Variants in FBXL7 observed in about 807,000 individuals in gnomAD.
FBXL7 encodes the protein F-box and leucine rich repeat protein 7, also known as F-box/LRR-repeat protein 7.
Under a neutral mutation model 38.3 loss-of-function variants are expected in FBXL7, and 12 were observed. That is an observed-to-expected ratio of 0.31 (90% CI 0.20 to 0.51). FBXL7 has a LOEUF of 0.51. FBXL7 is among the 20% of genes least tolerant of loss of function. The pLI is 0.98. For missense variants in FBXL7, 567 were observed against 676.4 expected (o/e 0.84, Z 1.79); for synonymous variants, 297 against 300.9 (o/e 0.99, Z 0.13).
chr5:15,593,679 G>T (rs1374025515), intron 1 of FBXL7, among the ~76,000 whole-genome samples: 2 of 152,006 alleles, frequency 1.3e-5, no homozygotes, highest in African/African-American at 2.4e-5. Flanking sequence ...AAATGTACAG[G>T]TTTTTTGTTT....
chr5:15,768,740 G>A (rs1241139371), intron 2 of FBXL7, among the ~76,000 whole-genome samples: 1 of 152,110 alleles, frequency 6.6e-6, no homozygotes, highest in Non-Finnish European at 1.5e-5. Flanking sequence ...CACTAGTGCT[G>A]GTCCAGCCAG....
At chr5:15,860,718 A>G (rs78799517) in intron 2 of FBXL7, among the ~76,000 whole-genome samples, 3,487 of 152,222 alleles carry the variant, frequency 0.023, 125 homozygotes, top group African/African-American at 0.079. Context: ...TCTTTAACCA[A>G]TTAGATACTT....
At chr5:15,721,270 C>T (rs1349919582) in intron 2 of FBXL7, among the ~76,000 whole-genome samples, 3 of 151,964 alleles carry the variant, frequency 2.0e-5, no homozygotes, top group Non-Finnish European at 4.4e-5. Flanking sequence ...CCTATGCTAT[C>T]AAGCAAAATA....
chr5:15,706,746 C>T (rs1743691006), intron 2 of FBXL7, among the ~76,000 whole-genome samples: 1 of 152,106 alleles, frequency 6.6e-6, no homozygotes, highest in African/African-American at 2.4e-5. Context: ...AGAGGATTTT[C>T]CCTAAGTGTC....
At chr5:15,785,083 A>G (rs1737099705) in intron 2 of FBXL7, among the ~76,000 whole-genome samples, 1 of 152,168 alleles carries the variant, frequency 6.6e-6, no homozygotes, top group African/African-American at 2.4e-5. Context: ...TCTAACTAGC[A>G]CGAGACTCTG....
chr5:15,645,765 G>A (rs1295856054), intron 2 of FBXL7, among the ~76,000 whole-genome samples: 1 of 152,126 alleles, frequency 6.6e-6, no homozygotes, highest in Middle Eastern at 3.2e-3. Context: ...CATCCTCTTT[G>A]CAATAGGCTT....
At chr5:15,808,683 C>G (rs1163512767) in intron 2 of FBXL7, among the ~76,000 whole-genome samples, 4 of 152,204 alleles carry the variant, frequency 2.6e-5, no homozygotes, top group African/African-American at 9.6e-5. Flanking sequence ...TGACCTCCTT[C>G]TTTTGAGTTT....
intron 2 of FBXL7, among the ~76,000 whole-genome samples, chr5:15,623,467 G>A (rs1046935998): frequency 2.6e-5 from 4 of 152,118 alleles, no homozygotes; most frequent in Admixed American, 2.0e-4. Flanking sequence ...GGTGATATTT[G>A]TTCCATGGAA....
chr5:15,653,495 T>G (rs1304706754), intron 2 of FBXL7, among the ~76,000 whole-genome samples: 2 of 152,216 alleles, frequency 1.3e-5, no homozygotes, highest in African/African-American at 2.4e-5. Flanking sequence ...TCTGTGGGCC[T>G]GATTTTCCTG....
intron 2 of FBXL7, among the ~76,000 whole-genome samples, chr5:15,795,414 T>C (rs1426541481): frequency 6.6e-6 from 1 of 152,228 alleles, no homozygotes; most frequent in East Asian, 1.9e-4. Context: ...GCATTTTAAA[T>C]GTGTGTCAAT....
intron 2 of FBXL7, among the ~76,000 whole-genome samples, chr5:15,650,959 T>A (rs1741687853): frequency 2.0e-5 from 3 of 152,204 alleles, no homozygotes; most frequent in Admixed American, 2.0e-4. Context: ...ATGTTGATAT[T>A]TTGACCTGCT....
intron 2 of FBXL7, among the ~76,000 whole-genome samples, chr5:15,841,619 T>C (rs2126784123): frequency 6.6e-6 from 1 of 152,320 alleles, no homozygotes; most frequent in East Asian, 1.9e-4. Context: ...TGAACTACTT[T>C]GTATTTTACA....
chr5:15,928,500 A>G lies in FBXL7; in HGVS notation c.738A>G (p.Ser246=), dbSNP rs746364821. The G allele has an allele frequency of 2.9e-5, 47 of 1,607,160 alleles. No homozygotes were observed. Among genetic ancestry groups the G allele is most frequent in the Non-Finnish European group, 3.8e-5 (45 of 1,175,352 alleles). ...LCPNLEHLDV[S]GCSKVTCISL... is the part of the protein sequence containing the mutation. ...CTAATCTGGAGCACCTGGATGTGTC[A>G]GGTAAATGGACACTGACCTACCAGC... The change falls in exon 3 of 4, where the codon TCA becomes TCG. Residue 246 remains serine (S), a splice_region_variant and synonymous_variant. Coordinates refer to ENST00000504595, the MANE Select transcript of FBXL7 (RefSeq NM_012304.5). This position sits in a 1 kb window ranked among gnomAD's most constrained non-coding sequence, Gnocchi z 4.0.
chr5:15,679,596 A>G (rs997783800), intron 2 of FBXL7, among the ~76,000 whole-genome samples: 4 of 148,354 alleles, frequency 2.7e-5, no homozygotes, highest in Non-Finnish European at 5.9e-5. Flanking sequence ...TGTCTCTCAC[A>G]CACTCAAATA....
intron 2 of FBXL7, among the ~76,000 whole-genome samples, chr5:15,848,228 T>C (rs1226667262): frequency 1.3e-5 from 2 of 152,178 alleles, no homozygotes; most frequent in African/African-American, 4.8e-5. Context: ...AATCTGTTCT[T>C]TCTGTGATAA....
chr5:15,596,862 C>A (rs1739639014), intron 1 of FBXL7, among the ~76,000 whole-genome samples: 1 of 152,206 alleles, frequency 6.6e-6, no homozygotes, highest in African/African-American at 2.4e-5. Flanking sequence ...ACGCTCCATG[C>A]CCCTTCCCAC....
rs146206728 is a variant in FBXL7 at position 15,545,915 on chromosome 5, A to G, written c.37+45202A>G. 2.3e-3 allele frequency among the ~76,000 whole-genome samples: 345 copies of G among 152,344 alleles called. 2 individuals are homozygous for G. Among genetic ancestry groups the G allele is most frequent in the African/African-American group, 7.4e-3 (307 of 41,578 alleles). ...AGAGTTGACATCTGCACTGACCACT[A>G]TGATAACTGCTAGCCACAGGTGGCT... is the stretch of plus-strand genomic sequence containing the variant. On this transcript the variant is annotated intron_variant, in intron 1 of 3. Transcript: ENST00000504595.
intron 1 of FBXL7, among the ~76,000 whole-genome samples, chr5:15,571,983 C>T (rs893856677): frequency 3.3e-5 from 5 of 152,010 alleles, no homozygotes; most frequent in Admixed American, 1.3e-4. Flanking sequence ...TTCCAGGTTC[C>T]GATTTTTCAA....
At chr5:15,886,131 T>C (rs1201355361) in intron 2 of FBXL7, among the ~76,000 whole-genome samples, 1 of 152,180 alleles carries the variant, frequency 6.6e-6, no homozygotes, top group African/African-American at 2.4e-5. Flanking sequence ...AAAGCTGGAA[T>C]GTTCTCTACC....
Sources: gnomAD v4.1 joint callset for allele counts (sites outside exome capture counted in the v4.1 genomes callset) on GRCh38, gnomAD v4.1.1 for gene constraint, Gnocchi (gnomAD v3.1) non-coding constraint, MANE v1.5 for transcripts, NCBI Gene and HGNC (gene_info 2026-07-23, HGNC 2026-07-21) for gene names.